The following VAC14 variants were observed in gnomAD, a reference collection of about 807,000 sequenced individuals.
The protein encoded by VAC14 is protein VAC14 homolog.
VAC14 carries 47 observed loss-of-function variants against 85.3 expected under a neutral mutation model. The observed-to-expected ratio is 0.55, with a 90% CI of 0.44 to 0.70. VAC14 has a LOEUF of 0.70. Ranked by LOEUF, VAC14 falls within the 30% of genes least tolerant of loss-of-function variation. VAC14 has a pLI of 0.00. For missense variants in VAC14, 861 were observed against 1,004.3 expected (o/e 0.86, Z 1.93); for synonymous variants, 447 against 430.5 (o/e 1.04, Z -0.47).
intron 1 of VAC14, among the ~76,000 whole-genome samples, chr16:70,797,324 G>A (rs2034588491): frequency 6.6e-6 from 1 of 152,038 alleles, no homozygotes; most frequent in Admixed American, 6.6e-5. Flanking sequence ...GGGTTACATT[G>A]GGCCCACCTC....
chr16:70,738,861 T>C (rs774405092), intron 13 of VAC14, among the ~76,000 whole-genome samples: 3 of 152,200 alleles, frequency 2.0e-5, no homozygotes, highest in African/African-American at 4.8e-5. Flanking sequence ...CACCCAGCAC[T>C]GGGCGACGCT....
intron 12 of VAC14, among the ~76,000 whole-genome samples, chr16:70,760,392 C>T (rs888451530): frequency 1.3e-5 from 2 of 152,172 alleles, no homozygotes; most frequent in Non-Finnish European, 2.9e-5. Context: ...AGCACACCCT[C>T]AGGCTCACCA....
intron 12 of VAC14, among the ~76,000 whole-genome samples, chr16:70,754,434 C>T (rs930937395): frequency 2.6e-5 from 4 of 152,160 alleles, no homozygotes; most frequent in African/African-American, 9.7e-5. Flanking sequence ...TAGCTGTCCC[C>T]GAGGAGGAAG....
At chr16:70,768,895 G>A (rs1316088092) in intron 10 of VAC14, 6 of 445,334 alleles carry the variant, frequency 1.3e-5, no homozygotes, top group Non-Finnish European at 2.3e-5. Context: ...CCGCCTCCCA[G>A]GTTCAAGCAA....
chr16:70,782,993 C>T (rs746062933), intron 7 of VAC14, 40 bp downstream of exon 7: 49 of 1,571,966 alleles, frequency 3.1e-5, no homozygotes, highest in African/African-American at 1.4e-5. Context: ...GTGGCAGCAG[C>T]AGTGGCAGCC....
chr16:70,720,066 AAAG>A (rs1193496427), intron 14 of VAC14, among the ~76,000 whole-genome samples: 2 of 152,232 alleles, frequency 1.3e-5, no homozygotes, highest in Non-Finnish European at 2.9e-5. Context: ...ATGTGGATCC[AAAG>A]AAGCCAGGCT....
chr16:70,794,568 C>T (rs983293645), intron 1 of VAC14, among the ~76,000 whole-genome samples: 1 of 152,242 alleles, frequency 6.6e-6, no homozygotes, highest in Middle Eastern at 3.2e-3. Context: ...AATCTGCCAA[C>T]AGGTGGCAAA....
At chr16:70,792,048 G>A (rs977871525) in intron 1 of VAC14, among the ~76,000 whole-genome samples, 1 of 152,192 alleles carries the variant, frequency 6.6e-6, no homozygotes, top group African/African-American at 2.4e-5. Context: ...TGTGGCTGCT[G>A]GCCGGGGAAA....
rs143124232 is a variant in VAC14, at chr16:70,746,724, C to T, written c.1372-2145G>A. ...GGCGGAGGGCAGGATGGGGAAGTGG[C>T]ACAGCAATGAATGACGCCGCGGTCC... On this transcript the variant is annotated intron_variant, in intron 12 of 18. Transcript: ENST00000261776. Among the ~76,000 whole-genome samples the T allele has an allele frequency of 6.5e-3, 990 of 152,304 alleles. 8 individuals carry two copies. The highest frequency in any genetic ancestry group is 0.012 in the Admixed American group (191 of 15,292).
At chr16:70,733,324 A>G (rs1326239596) in intron 13 of VAC14, among the ~76,000 whole-genome samples, 1 of 152,124 alleles carries the variant, frequency 6.6e-6, no homozygotes, top group Non-Finnish European at 1.5e-5. Context: ...GGGTTGAATA[A>G]TATTCCACTT....
At chr16:70,799,779 T>C (rs1388506928) in intron 1 of VAC14, among the ~76,000 whole-genome samples, 2 of 152,322 alleles carry the variant, frequency 1.3e-5, no homozygotes, top group Non-Finnish European at 2.9e-5. Flanking sequence ...CGGAATAGAT[T>C]AGAGCAGTCC....
chr16:70,744,684 G>A, intron 12 of VAC14, 105 bp from the exon 13 acceptor site: 1 of 1,396,706 alleles, frequency 7.2e-7, no homozygotes, highest in South Asian at 1.4e-5. Context: ...GGGGTGGGAG[G>A]GGTCTGCAGA....
intron 9 of VAC14, among the ~76,000 whole-genome samples, chr16:70,775,563 C>T (rs768792004): frequency 7.2e-5 from 11 of 152,210 alleles, no homozygotes; most frequent in Admixed American, 4.6e-4. Flanking sequence ...GGACGCAGCT[C>T]AGAGGGGACA....
chr16:70,736,520 G>C, intron 13 of VAC14, among the ~76,000 whole-genome samples: 1 of 152,164 alleles, frequency 6.6e-6, no homozygotes, highest in East Asian at 1.9e-4. Flanking sequence ...CCATCTCTCC[G>C]CTGACAGTCT....
chr16:70,707,935 C>T (rs2004103), intron 14 of VAC14, among the ~76,000 whole-genome samples: 2,458 of 152,016 alleles, frequency 0.016, 26 homozygotes, highest in Middle Eastern at 0.041. Context: ...GGATTACAGG[C>T]GCCCGTCACC....
chr16:70,785,530 T>C (rs1432096320), intron 3 of VAC14, among the ~76,000 whole-genome samples, 172 bp downstream of exon 3: 1 of 152,250 alleles, frequency 6.6e-6, no homozygotes, highest in East Asian at 1.9e-4. Context: ...AAAAAAGGTA[T>C]AAATGCAAGT....
At chr16:70,786,028 G>A in intron 2 of VAC14, 159 bp from the exon 3 acceptor site, 1 of 1,326,546 alleles carries the variant, frequency 7.5e-7, no homozygotes, top group Non-Finnish European at 1.0e-6. Flanking sequence ...CCCAGGAGAG[G>A]GCCCATGCCT....
At chr16:70,745,819 G>A (rs1400219605) in intron 12 of VAC14, among the ~76,000 whole-genome samples, 1 of 114,280 alleles carries the variant, frequency 8.8e-6, no homozygotes, top group East Asian at 2.4e-4. Context: ...GAATAACGAC[G>A]GCAACCGGGG....
At chr16:70,784,083 C>T in intron 5 of VAC14, 30 bp downstream of exon 5, 1 of 1,595,466 alleles carries the variant, frequency 6.3e-7, no homozygotes, top group South Asian at 1.1e-5. Context: ...AAACTGGAGG[C>T]TGGAGAAACG....
Sources: allele counts gnomAD v4.1 joint callset (sites outside exome capture counted in the v4.1 genomes callset), GRCh38; gene constraint gnomAD v4.1.1; transcripts MANE v1.5; gene names NCBI Gene and HGNC (gene_info 2026-07-23, HGNC 2026-07-21).